TMPRSS2: variants seen among roughly 807,000 people sequenced by gnomAD.
TMPRSS2 encodes transmembrane serine protease 2, also known as transmembrane protease serine 2.
A neutral mutation model predicts 67.4 loss-of-function variants in TMPRSS2; 59 were observed. The observed-to-expected ratio is 0.88, with a 90% CI of 0.71 to 1.09. The LOEUF is 1.09. Among genes scored for constraint, TMPRSS2 ranks in the 50% least tolerant of loss-of-function variants. The probability of loss-of-function intolerance (pLI) is 0.00; values close to 1 mark genes in which losing one functional copy is unlikely to be tolerated. For synonymous variants in TMPRSS2, 257 were observed against 257.0 expected, an observed-to-expected ratio of 1.00 and a Z score of 0.00; for missense variants, 668 against 642.7, an observed-to-expected ratio of 1.04 and a Z score of -0.43.
Position 41,468,481 on chromosome 21 carries a change from C to A in TMPRSS2, c.1229G>T (p.Cys410Phe). 6.2e-7 allele frequency: 1 copy of A among 1,614,204 alleles called. No individual in the cohort carries two copies. The highest frequency in any genetic ancestry group is 1.3e-5 in the African/African-American group (1 of 75,052). Reference protein sequence around the residue: ...AKVLLIETQRCNSRYVYDNLI... With the variant: ...AKVLLIETQRFNSRYVYDNLI... ...GTTGTCATAGACATATCTGCTGTTGCATCTCTGTGTCTCAATGAGAAGCAC... is the reference window on the plus strand; with the variant it reads ...GTTGTCATAGACATATCTGCTGTTGAATCTCTGTGTCTCAATGAGAAGCAC... The change falls in exon 12 of 14, where the codon TGC (cysteine) becomes TTC (phenylalanine). Residue 410 changes from cysteine to phenylalanine, a missense_variant. Transcript: ENST00000332149.
At chr21:41,501,677 G>A (rs962596107) in intron 1 of TMPRSS2, among the ~76,000 whole-genome samples, 8 of 151,650 alleles carry the variant, frequency 5.3e-5, no homozygotes, top group African/African-American at 1.9e-4. Flanking sequence ...TAAAACAAGG[G>A]GGGGAATGTC....
At chr21:41,490,756 AGGAGGGAGG>A (rs1482252266) in intron 3 of TMPRSS2, among the ~76,000 whole-genome samples, 1 of 152,242 alleles carries the variant, frequency 6.6e-6, no homozygotes, top group Non-Finnish European at 1.5e-5. Context: ...CTCATGGGCC[AGGAGGGAGG>A]GCATCCATCC....
intron 1 of TMPRSS2, among the ~76,000 whole-genome samples, chr21:41,505,419 C>T (rs1471004345): frequency 1.3e-5 from 2 of 152,224 alleles, no homozygotes; most frequent in Non-Finnish European, 2.9e-5. Flanking sequence ...GGGGACAACA[C>T]ACTCGGATGA....
Position 41,501,985 on chromosome 21 carries a change from T to C in TMPRSS2, c.-56-3796A>G, listed in dbSNP as rs1269374180. Among the ~76,000 whole-genome samples, 9 of 152,114 alleles carry C rather than the reference T, an allele frequency of 5.9e-5. No individual in the cohort carries two copies. In the East Asian group the frequency reaches 1.7e-3, roughly 29 times the overall value. ...TTAAGTGTGAAAGAGCAACAGTGGGTGGCACTCAGGCTCCATTCCTGGCTG... is the reference window on the plus strand; with the variant it reads ...TTAAGTGTGAAAGAGCAACAGTGGGCGGCACTCAGGCTCCATTCCTGGCTG... On this transcript the variant is annotated intron_variant, in intron 1 of 13. Coordinates refer to ENST00000332149, the MANE Select transcript of TMPRSS2 (RefSeq NM_005656.4).
chr21:41,472,087 G>T, intron 9 of TMPRSS2, 106 bp from the exon 10 acceptor site: 1 of 1,172,826 alleles, frequency 8.5e-7, no homozygotes, highest in Non-Finnish European at 1.2e-6. Flanking sequence ...GAGGCAGGAT[G>T]GTTCACCAAA....
Position 41,473,343 on chromosome 21 carries a change from G to T in TMPRSS2, c.881C>A (p.Ala294Asp). The change falls in exon 9 of 14, where the codon GCC becomes GAC. Residue 294 changes from alanine to aspartate, a missense_variant. Transcript: ENST00000332149. ...GGCATACTTTTCCACGCAGTGGGCG[G>T]CTGTCACGATCCACTCGGGGGTGAT... Reference protein sequence around the residue: ...SIITPEWIVTAAHCVEKPLNN... With the variant: ...SIITPEWIVTDAHCVEKPLNN... 1 of 1,602,902 alleles carries T rather than the reference G, an allele frequency of 6.2e-7. No homozygotes were observed. Among genetic ancestry groups the T allele is most frequent in the Non-Finnish European group, 8.5e-7 (1 of 1,175,424 alleles).
intron 10 of TMPRSS2, 62 bp downstream of exon 10, chr21:41,471,744 T>C (rs932289191): frequency 1.3e-6 from 2 of 1,512,710 alleles, no homozygotes; most frequent in South Asian, 1.3e-5. Flanking sequence ...ACAAGTGTCA[T>C]TTCCAATCAA....
intron 1 of TMPRSS2, 56 bp downstream of exon 1, chr21:41,508,025 G>A: frequency 7.4e-7 from 1 of 1,345,828 alleles, no homozygotes; most frequent in Non-Finnish European, 9.5e-7. Flanking sequence ...CAGGCGCCCA[G>A]GTTCCCCTCC....
chr21:41,497,692 C>T (rs1415362209), intron 2 of TMPRSS2, among the ~76,000 whole-genome samples: 3 of 152,176 alleles, frequency 2.0e-5, no homozygotes, highest in Non-Finnish European at 4.4e-5. Context: ...GGAGTGGGCT[C>T]CAGGGAGAGG....
chr21:41,494,276 T>C (rs1473546550), intron 3 of TMPRSS2, 80 bp downstream of exon 3: 3 of 1,454,578 alleles, frequency 2.1e-6, no homozygotes, highest in South Asian at 2.4e-5. Flanking sequence ...GACAGTGGTG[T>C]TGGGAGCAGA....
rs2146431339 is a variant in TMPRSS2, at chr21:41,473,404, G to A, written c.820C>T (p.His274Tyr). 6.2e-7 allele frequency: 1 copy of A among 1,610,320 alleles called. No homozygotes were observed. Among genetic ancestry groups the A allele is most frequent in the Non-Finnish European group, 8.5e-7 (1 of 1,179,230 alleles). The change falls in exon 9 of 14, where the codon CAC (histidine) becomes TAC (tyrosine). Residue 274 changes from histidine to tyrosine, a missense_variant. His to Tyr is a moderately conservative substitution (Grantham distance 83, BLOSUM62 2). Transcript: ENST00000332149. ...CCGCACACGTGGACGTTCTGGACGT[G>A]CAGGCTGACCTGCCAGGGCCAGGCC... ...PGAWPWQVSL[H>Y]VQNVHVCGGS...
intron 11 of TMPRSS2, among the ~76,000 whole-genome samples, chr21:41,469,310 C>T (rs1318160889): frequency 3.8e-5 from 3 of 78,968 alleles, no homozygotes; most frequent in Non-Finnish European, 9.1e-5. Context: ...CATCCACGCC[C>T]GCACTCTGCT....
intron 1 of TMPRSS2, among the ~76,000 whole-genome samples, chr21:41,504,581 C>G (rs990161668): frequency 5.9e-5 from 9 of 152,220 alleles, no homozygotes; most frequent in African/African-American, 2.2e-4. Context: ...TGGAGCCCAG[C>G]CTCTGTTCTA....
chr21:41,489,392 G>C, intron 4 of TMPRSS2, 115 bp downstream of exon 4: 2 of 729,636 alleles, frequency 2.7e-6, no homozygotes, highest in Non-Finnish European at 4.6e-6. Context: ...CGTTATGTAA[G>C]AGAGGAACCT....
At chr21:41,470,083 A>G (rs2091118447) in intron 11 of TMPRSS2, among the ~76,000 whole-genome samples, 1 of 152,214 alleles carries the variant, frequency 6.6e-6, no homozygotes. Context: ...GATATAAACA[A>G]TATGTAAAAT....
At chr21:41,494,686 G>A in intron 2 of TMPRSS2, 108 bp from the exon 3 acceptor site, 1 of 1,044,400 alleles carries the variant, frequency 9.6e-7, no homozygotes, top group South Asian at 1.4e-5. Context: ...CTTTTAAATT[G>A]ATAATGTTTT....
At position 41,485,715 on chromosome 21, in the gene TMPRSS2, C is replaced by T. The variant is rs381179; in HGVS notation, c.445+2679G>A. On this transcript the variant is annotated intron_variant, in intron 5 of 13. Coordinates refer to ENST00000332149, the MANE Select transcript of TMPRSS2 (RefSeq NM_005656.4). ...TTCCACGTGCTATCTTAACCTCACG[C>T]TACTCAATCTCAAAAACTCCCACTT... 2.0e-4 allele frequency among the ~76,000 whole-genome samples: 31 copies of T among 151,820 alleles called. No homozygotes were observed. In the East Asian group the frequency reaches 4.5e-3, roughly 22 times the overall value.
At chr21:41,482,689 C>T (rs1000877575) in intron 5 of TMPRSS2, among the ~76,000 whole-genome samples, 2 of 152,086 alleles carry the variant, frequency 1.3e-5, no homozygotes, top group South Asian at 2.1e-4. Context: ...ATCTGTGAGT[C>T]GGTCACAGGT....
intron 1 of TMPRSS2, among the ~76,000 whole-genome samples, chr21:41,503,568 C>T (rs2091437560): frequency 6.6e-6 from 1 of 152,184 alleles, no homozygotes; most frequent in Non-Finnish European, 1.5e-5. Context: ...TGCATACATC[C>T]AAAGGACAAT....
Sources: allele counts gnomAD v4.1 joint callset (sites outside exome capture counted in the v4.1 genomes callset), GRCh38; gene constraint gnomAD v4.1.1; transcripts MANE v1.5; gene names NCBI Gene and HGNC (gene_info 2026-07-23, HGNC 2026-07-21).